Variants in USH1C observed in about 807,000 individuals in gnomAD.
USH1C encodes USH1 protein network component harmonin.
In USH1C, 90 loss-of-function variants were observed where a neutral mutation model predicts 119.3. The ratio of observed to expected loss-of-function variants is 0.75; its 90% CI spans 0.64 to 0.90. USH1C has a LOEUF of 0.90. USH1C is among the 40% of genes least tolerant of loss of function. USH1C has a pLI of 0.00. For missense variants in USH1C, 1,165 were observed against 1,167.7 expected (o/e 1.00, Z 0.03); for synonymous variants, 465 against 443.3 (o/e 1.05, Z -0.62).
At chr11:17,510,807 C>G (rs1849853963) in intron 16 of USH1C, among the ~76,000 whole-genome samples, 1 of 152,082 alleles carries the variant, frequency 6.6e-6, no homozygotes, top group Non-Finnish European at 1.5e-5. Context: ...CCCCATGAAC[C>G]CTGAGGCTCT....
rs2133803494 is a variant in USH1C at position 17,505,768 on chromosome 11, C to T, written c.2133+62G>A. 14 of 1,611,256 alleles carry T rather than the reference C, an allele frequency of 8.7e-6. No individual in the cohort carries two copies. In the South Asian group the frequency reaches 1.5e-4, roughly 18 times the overall value. ...CTTGCCCTCCAGAGACAGCAGAGCCCAGGGGAGGTAGCCCTGGTCTGCTCC... is the reference window on the plus strand; with the variant it reads ...CTTGCCCTCCAGAGACAGCAGAGCCTAGGGGAGGTAGCCCTGGTCTGCTCC... On this transcript the variant is annotated intron_variant, in intron 19 of 26. Coordinates refer to ENST00000005226, the MANE Select transcript of USH1C (RefSeq NM_153676.4).
chr11:17,530,804 C>T (rs1850930901), intron 4 of USH1C, among the ~76,000 whole-genome samples: 1 of 152,208 alleles, frequency 6.6e-6, no homozygotes, highest in Admixed American at 6.5e-5. Flanking sequence ...TTTCTTTCCC[C>T]CTGCTGGTAA....
rs2133852863 is a variant in USH1C, at chr11:17,517,423, C to T, written c.1211-1133G>A. 3 of 1,593,130 alleles carry T rather than the reference C, an allele frequency of 1.9e-6. No individual in the cohort carries two copies. The highest frequency in any genetic ancestry group is 2.6e-6 in the Non-Finnish European group (3 of 1,169,192). The stretch of plus-strand genomic sequence containing the variant: ...AACCTGCTCTCCCTGCTCCTCCGTG[C>T]CTCCATCCAGGTCATCTGCGGGCTC... On this transcript the variant is annotated intron_variant, in intron 14 of 26. Coordinates refer to ENST00000005226, the MANE Select transcript of USH1C (RefSeq NM_153676.4).
chr11:17,541,431 T>C (rs1443925427), intron 1 of USH1C, among the ~76,000 whole-genome samples: 1 of 152,234 alleles, frequency 6.6e-6, no homozygotes, highest in Non-Finnish European at 1.5e-5. Flanking sequence ...GTGGTGGCTC[T>C]TTCTGATCTT....
At position 17,509,553 on chromosome 11, in the gene USH1C, G is replaced by A. The variant is rs1206921951; in HGVS notation, c.1816C>T (p.Pro606Ser). 6.3e-7 allele frequency: 1 copy of A among 1,596,402 alleles called. No individual in the cohort carries two copies. The highest frequency in any genetic ancestry group is 1.3e-5 in the African/African-American group (1 of 74,592). Reference protein sequence around the residue: ...VQRTPPPIPIPPPPSVPTQDL... With the variant: ...VQRTPPPIPISPPPSVPTQDL... Reference sequence around the variant, plus strand: ...TGGGTGGGAACGGATGGCGGGGGAGGGATGGGAATGGGGGGTGGAGTGCGC... The same window carrying A: ...TGGGTGGGAACGGATGGCGGGGGAGAGATGGGAATGGGGGGTGGAGTGCGC... Residue 606 changes from proline to serine, a missense_variant, in exon 18 of 27, where the codon CCT (proline) becomes TCT (serine). Coordinates refer to ENST00000005226, the MANE Select transcript of USH1C (RefSeq NM_153676.4).
intron 1 of USH1C, among the ~76,000 whole-genome samples, chr11:17,536,172 C>T (rs777052354): frequency 9.5e-4 from 145 of 152,210 alleles, no homozygotes; most frequent in Non-Finnish European, 4.7e-4. Context: ...ATAAAAATCA[C>T]GTCTGCTTTG....
At chr11:17,534,429 C>T (rs1408424177) in intron 1 of USH1C, among the ~76,000 whole-genome samples, 1 of 152,212 alleles carries the variant, frequency 6.6e-6, no homozygotes, top group Non-Finnish European at 1.5e-5. Flanking sequence ...TCTGACAGTA[C>T]CTCCTTCCCT....
chr11:17,539,767 G>T (rs1851376723), intron 1 of USH1C, among the ~76,000 whole-genome samples: 2 of 148,884 alleles, frequency 1.3e-5, no homozygotes, highest in African/African-American at 5.0e-5. Flanking sequence ...CTTGTCTAGG[G>T]TTCTCTCTGT....
At chr11:17,543,861 A>G (rs958824681) in intron 1 of USH1C, among the ~76,000 whole-genome samples, 1 of 152,116 alleles carries the variant, frequency 6.6e-6, no homozygotes, top group Non-Finnish European at 1.5e-5. Context: ...CCTTCTCCCA[A>G]CCCTCACCTC....
rs777486804 is a variant in USH1C at position 17,527,339 on chromosome 11, A to T, written c.388-8T>A. ...GACGATCTCGTCCCCTACCTTGACC[A>T]CAGAGAGAGGCAGGGAGCACCAGGT... is the stretch of plus-strand genomic sequence containing the variant. On this transcript the variant is annotated splice_polypyrimidine_tract_variant and splice_region_variant and intron_variant, in intron 4 of 26. Transcript: ENST00000005226. 11 of 1,603,542 alleles carry T rather than the reference A, an allele frequency of 6.9e-6. No homozygotes were observed. In the South Asian group the frequency reaches 1.2e-4, roughly 18 times the overall value.
intron 18 of USH1C, among the ~76,000 whole-genome samples, chr11:17,509,140 G>A (rs1849758333): frequency 6.6e-6 from 1 of 152,130 alleles, no homozygotes; most frequent in Non-Finnish European, 1.5e-5. Context: ...AAGGTCCCAG[G>A]CCATTCACCA....
At chr11:17,503,322 G>A (rs1849519626) in intron 20 of USH1C, among the ~76,000 whole-genome samples, 1 of 152,190 alleles carries the variant, frequency 6.6e-6, no homozygotes, top group Non-Finnish European at 1.5e-5. Flanking sequence ...GCTGGCTCTG[G>A]CCTCCTTGCT....
chr11:17,531,116 G>A lies in USH1C; in HGVS notation c.387+38C>T. On this transcript the variant is annotated intron_variant, in intron 4 of 26. Coordinates refer to ENST00000005226, the MANE Select transcript of USH1C (RefSeq NM_153676.4). The surrounding 1 kb of genome is among the most constrained non-coding windows in gnomAD (Gnocchi z 4.2). The stretch of plus-strand genomic sequence containing the variant: ...AATGAGGGGGAGGCAGGAGGTCCGA[G>A]GCCCTCGCTCCCCCTCCCCCGGACT... 6.2e-7 allele frequency: 1 copy of A among 1,613,258 alleles called. No individual in the cohort carries two copies. The highest frequency in any genetic ancestry group is 1.7e-5 in the Admixed American group (1 of 60,010).
chr11:17,515,595 T>C (rs1260226734), intron 15 of USH1C, among the ~76,000 whole-genome samples: 3 of 152,136 alleles, frequency 2.0e-5, no homozygotes, highest in South Asian at 4.2e-4. Context: ...CAATTATAGA[T>C]ATTAACAGCA....
chr11:17,505,063 T>G (rs1481403078), intron 19 of USH1C, among the ~76,000 whole-genome samples: 1 of 152,262 alleles, frequency 6.6e-6, no homozygotes, highest in Non-Finnish European at 1.5e-5. Context: ...AATTCTGACA[T>G]GACTGTCTTC....
intron 8 of USH1C, 64 bp downstream of exon 8, chr11:17,526,283 G>T: frequency 1.5e-6 from 2 of 1,371,028 alleles, no homozygotes; most frequent in East Asian, 2.3e-5. Context: ...AGGAAGGGGA[G>T]GGCAATAGGG....
At chr11:17,494,947 A>G in intron 26 of USH1C, 1 of 219,444 alleles carries the variant, frequency 4.6e-6, no homozygotes, top group Non-Finnish European at 9.2e-6. Context: ...GGAAGGGAGA[A>G]GGCAGAGAAG....
chr11:17,530,298 C>T (rs1202790084), intron 4 of USH1C, among the ~76,000 whole-genome samples: 2 of 152,334 alleles, frequency 1.3e-5, no homozygotes, highest in South Asian at 4.1e-4. Flanking sequence ...GTCTGCCCAT[C>T]TCTGCTCAGG....
At chr11:17,513,843 A>G (rs1850014231) in intron 15 of USH1C, among the ~76,000 whole-genome samples, 1 of 152,160 alleles carries the variant, frequency 6.6e-6, no homozygotes, top group Admixed American at 6.5e-5. Context: ...AAAGAAAAAA[A>G]AAACTACCAG....
Sources: gnomAD v4.1 joint callset for allele counts (sites outside exome capture counted in the v4.1 genomes callset) on GRCh38, gnomAD v4.1.1 for gene constraint, Gnocchi (gnomAD v3.1) non-coding constraint, MANE v1.5 for transcripts, NCBI Gene and HGNC (gene_info 2026-07-23, HGNC 2026-07-21) for gene names.